GARRE1: variants seen among roughly 807,000 people sequenced by gnomAD.
The protein encoded by GARRE1 is granule associated Rac and RHOG effector protein 1.
GARRE1 carries 49 observed loss-of-function variants against 103.2 expected under a neutral mutation model. The observed-to-expected ratio is 0.47, with a 90% CI of 0.38 to 0.60. The LOEUF is 0.60. GARRE1 is among the 20% of genes least tolerant of loss of function. The pLI is 0.00. For missense variants in GARRE1, 1,199 were observed against 1,370.5 expected, an observed-to-expected ratio of 0.87 and a Z score of 1.98; for synonymous variants, 505 against 532.8, an observed-to-expected ratio of 0.95 and a Z score of 0.72.
chr19:34,261,322 G>A (rs1035846304), intron 1 of GARRE1, among the ~76,000 whole-genome samples: 19 of 152,162 alleles, frequency 1.2e-4, no homozygotes, highest in African/African-American at 4.1e-4. Flanking sequence ...CGTGCTACCC[G>A]GCACCTGTGA....
chr19:34,344,354 G>T (rs2074200404), intron 10 of GARRE1, among the ~76,000 whole-genome samples: 1 of 152,150 alleles, frequency 6.6e-6, no homozygotes, highest in African/African-American at 2.4e-5. Context: ...ACTTTGGGAG[G>T]CCGAGGCGGG....
chr19:34,307,718 C>CT (rs1555783133), intron 2 of GARRE1, among the ~76,000 whole-genome samples: 1 of 121,420 alleles, frequency 8.2e-6, no homozygotes, highest in Non-Finnish European at 1.7e-5. Flanking sequence ...TATATATATA[C>CT]TATATATACA....
At chr19:34,280,001 A>T (rs2073842049) in intron 1 of GARRE1, among the ~76,000 whole-genome samples, 1 of 151,656 alleles carries the variant, frequency 6.6e-6, no homozygotes, top group African/African-American at 2.4e-5. Flanking sequence ...AAAAAAAAAA[A>T]AAAAAAGTGG....
At chr19:34,348,740 T>C (rs909141772) in intron 11 of GARRE1, 1 of 410,068 alleles carries the variant, frequency 2.4e-6, no homozygotes, top group Non-Finnish European at 4.5e-6. Context: ...CAGCATCCAT[T>C]AGCTATTCTT....
chr19:34,256,751 T>G (rs1369931184), intron 1 of GARRE1, among the ~76,000 whole-genome samples: 2 of 152,192 alleles, frequency 1.3e-5, no homozygotes, highest in Non-Finnish European at 2.9e-5. Flanking sequence ...CATATTTACA[T>G]TTTGTGTGTG....
intron 7 of GARRE1, among the ~76,000 whole-genome samples, chr19:34,331,202 A>G (rs1194383860): frequency 1.4e-5 from 2 of 146,312 alleles, no homozygotes; most frequent in South Asian, 4.3e-4. Context: ...CCCGGCCCTT[A>G]AAAAAAAAAG....
In GARRE1 at chr19:34,325,507, C is replaced by T. The variant is rs574867785; in HGVS notation, c.706-1914C>T. Among the ~76,000 whole-genome samples, 4 of 152,338 alleles carry T rather than the reference C, an allele frequency of 2.6e-5. No homozygotes were observed. In the East Asian group the frequency reaches 7.7e-4, roughly 29 times the overall value. On this transcript the variant is annotated intron_variant, in intron 3 of 13. Coordinates refer to ENST00000299505, the MANE Select transcript of GARRE1 (RefSeq NM_014686.5). The stretch of plus-strand genomic sequence containing the variant: ...TTATCCTTCAGCATTTCCGTCATGT[C>T]TACACCCAGTCCAATCCTTAAGAAA...
chr19:34,321,983 G>A (rs549078919), intron 3 of GARRE1, among the ~76,000 whole-genome samples: 3 of 152,258 alleles, frequency 2.0e-5, no homozygotes, highest in African/African-American at 7.2e-5. Context: ...ACAACCTCAT[G>A]ACTAAATGGT....
chr19:34,344,372 C>T (rs969454633), intron 10 of GARRE1, among the ~76,000 whole-genome samples: 4 of 151,996 alleles, frequency 2.6e-5, no homozygotes, highest in Admixed American at 6.6e-5. Flanking sequence ...GGGCGGATCA[C>T]GAGGTCAGGA....
chr19:34,276,297 C>T (rs1452988763), intron 1 of GARRE1, among the ~76,000 whole-genome samples: 1 of 152,198 alleles, frequency 6.6e-6, no homozygotes, highest in African/African-American at 2.4e-5. Context: ...CCTGCCTCGG[C>T]CTCCCAAAGT....
intron 1 of GARRE1, among the ~76,000 whole-genome samples, chr19:34,258,357 G>A (rs2073688438): frequency 6.6e-6 from 1 of 152,096 alleles, no homozygotes; most frequent in Non-Finnish European, 1.5e-5. Flanking sequence ...CCTGGGTAGA[G>A]AACCACCTCA....
chr19:34,352,509 T>C, intron 13 of GARRE1, 138 bp from the exon 14 acceptor site: 2 of 699,300 alleles, frequency 2.9e-6, no homozygotes, highest in Non-Finnish European at 2.5e-6. Flanking sequence ...TGCAAGAAGT[T>C]CTGTTGGACA....
intron 1 of GARRE1, among the ~76,000 whole-genome samples, chr19:34,270,869 C>A (rs1306538047): frequency 6.6e-6 from 1 of 152,112 alleles, no homozygotes; most frequent in Admixed American, 6.5e-5. Context: ...GTAGATAATT[C>A]TTTGTAGGGG....
Position 34,342,142 on chromosome 19 carries a change from C to T in GARRE1, c.2208C>T (p.His736=). ...QQQPQVQYYQ[H]LLQPIGPQQP... ...AACCTCAAGTCCAATACTACCAACA[C>T]CTACTCCAGCCCATTGGACCGCAGC... is the stretch of plus-strand genomic sequence containing the variant. Residue 736 remains histidine, a synonymous_variant, in exon 10 of 14, where the codon CAC becomes CAT. Coordinates refer to ENST00000299505, the MANE Select transcript of GARRE1 (RefSeq NM_014686.5). 6.2e-7 allele frequency: 1 copy of T among 1,614,174 alleles called. No homozygotes were observed. Among genetic ancestry groups the T allele is most frequent in the Non-Finnish European group, 8.5e-7 (1 of 1,180,020 alleles).
chr19:34,349,838 A>G (rs1599785135), intron 12 of GARRE1, among the ~76,000 whole-genome samples: 2 of 151,534 alleles, frequency 1.3e-5, no homozygotes, highest in African/African-American at 2.4e-5. Flanking sequence ...GGGAGCGGGT[A>G]GGTGAAGACA....
At chr19:34,335,531 G>A (rs949371479) in intron 8 of GARRE1, among the ~76,000 whole-genome samples, 6 of 152,234 alleles carry the variant, frequency 3.9e-5, no homozygotes, top group Middle Eastern at 3.4e-3. Flanking sequence ...TAAACCATTT[G>A]TTCTTTTTTT....
intron 1 of GARRE1, among the ~76,000 whole-genome samples, chr19:34,287,179 A>G (rs1446068824): frequency 6.6e-6 from 1 of 151,990 alleles, no homozygotes; most frequent in Non-Finnish European, 1.5e-5. Flanking sequence ...TTCTCTCCCA[A>G]AGATTGATTC....
chr19:34,274,089 A>G (rs2073803143), intron 1 of GARRE1, among the ~76,000 whole-genome samples: 1 of 152,028 alleles, frequency 6.6e-6, no homozygotes, highest in African/African-American at 2.4e-5. Context: ...AGATAGAAGG[A>G]AAAGGACTTG....
Position 34,353,112 on chromosome 19 carries a change from G to T in GARRE1, c.*157G>T. The T allele has an allele frequency of 1.5e-6, 1 of 674,450 alleles. No homozygotes were observed. The highest frequency in any genetic ancestry group is 2.4e-6 in the Non-Finnish European group (1 of 411,074). The allele number at this position is 674,450 out of a possible 1,614,324, so 41.8% of individuals were successfully genotyped here. Reference sequence around the variant, plus strand: ...TCCTTGGGGACAAGGGTGGTTGGCAGCTCCAAGCCTTTAAACCTGGCTTCT... The same window carrying T: ...TCCTTGGGGACAAGGGTGGTTGGCATCTCCAAGCCTTTAAACCTGGCTTCT... On this transcript the variant is annotated 3_prime_UTR_variant, in exon 14 of 14. Coordinates refer to ENST00000299505, the MANE Select transcript of GARRE1 (RefSeq NM_014686.5).
Sources: gnomAD v4.1 joint callset for allele counts (sites outside exome capture counted in the v4.1 genomes callset) on GRCh38, gnomAD v4.1.1 for gene constraint, MANE v1.5 for transcripts, NCBI Gene and HGNC (gene_info 2026-07-23, HGNC 2026-07-21) for gene names.